The following PEX7 variants were observed in gnomAD, a reference collection of about 807,000 sequenced individuals.
PEX7 encodes the protein peroxisomal biogenesis factor 7, also known as PTS2 receptor.
In PEX7, 34 loss-of-function variants were observed where a neutral mutation model predicts 47.5. That is an observed-to-expected ratio of 0.72 (90% CI 0.54 to 0.95). PEX7 has a LOEUF of 0.95. Among genes scored for constraint, PEX7 ranks in the 40% least tolerant of loss-of-function variants. The pLI, the probability that PEX7 is intolerant of heterozygous loss-of-function variation, is 0.00. For synonymous variants in PEX7, 141 were observed against 148.8 expected, an observed-to-expected ratio of 0.95 and a Z score of 0.38; for missense variants, 394 against 400.3, an observed-to-expected ratio of 0.98 and a Z score of 0.13.
chr6:136,867,200 A>G lies in PEX7; in HGVS notation c.633+467A>G, dbSNP rs370760831. Among the ~76,000 whole-genome samples the G allele has an allele frequency of 2.4e-4, 37 of 152,312 alleles. 4 individuals carry two copies. The highest frequency in any genetic ancestry group is 9.8e-4 in the Admixed American group (15 of 15,306). On this transcript the variant is annotated intron_variant, in intron 6 of 9. Coordinates refer to ENST00000318471, the MANE Select transcript of PEX7 (RefSeq NM_000288.4). The stretch of plus-strand genomic sequence containing the variant: ...TCATGCCTCTGTAAGATAAGTGTCC[A>G]TGTGCAACTTTTTTAAAGCTTCAGT...
At chr6:136,906,134 G>C (rs1053419390) in intron 9 of PEX7, among the ~76,000 whole-genome samples, 3 of 152,156 alleles carry the variant, frequency 2.0e-5, no homozygotes, top group Admixed American at 2.0e-4. Context: ...ATCTGGTTTT[G>C]TTAGTGCTTG....
At chr6:136,827,193 T>C (rs1469874234) in intron 3 of PEX7, among the ~76,000 whole-genome samples, 1 of 152,222 alleles carries the variant, frequency 6.6e-6, no homozygotes, top group Non-Finnish European at 1.5e-5. Context: ...TAAATGCTTA[T>C]TAGATGCAAG....
intron 3 of PEX7, among the ~76,000 whole-genome samples, chr6:136,843,660 T>C (rs9399197): frequency 0.53 from 80,447 of 152,074 alleles, 21,785 homozygotes; most frequent in South Asian, 0.61. Flanking sequence ...AATCAAACTC[T>C]TTAGCTCTCA....
chr6:136,862,042 A>T (rs1215018347), intron 5 of PEX7, among the ~76,000 whole-genome samples: 2 of 131,088 alleles, frequency 1.5e-5, no homozygotes, highest in East Asian at 2.0e-4. Flanking sequence ...TTTTATATAT[A>T]TTATATATAT....
chr6:136,852,079 G>A (rs1233623121), intron 5 of PEX7, among the ~76,000 whole-genome samples: 14 of 97,268 alleles, frequency 1.4e-4, no homozygotes, highest in African/African-American at 6.6e-4. Flanking sequence ...CCTTGCCCAC[G>A]CCTGTGTCCT....
Position 136,846,069 on chromosome 6 carries a change from G to A in PEX7, c.418-4G>A, listed in dbSNP as rs199552223. 12 of 1,577,948 alleles carry A rather than the reference G, an allele frequency of 7.6e-6. No homozygotes were observed. Among genetic ancestry groups the A allele is most frequent in the Non-Finnish European group, 8.7e-6 (10 of 1,147,444 alleles). ...AAGTAATTGATCTATTCATTTATTT[G>A]TAGTGGGATCCAACTGTTGGAAAGT... On this transcript the variant is annotated splice_region_variant and splice_polypyrimidine_tract_variant and intron_variant, in intron 4 of 9. Transcript: ENST00000318471.
chr6:136,867,969 CCA>C (rs200866121), intron 6 of PEX7, among the ~76,000 whole-genome samples: 6,602 of 152,260 alleles, frequency 0.043, 516 homozygotes, highest in African/African-American at 0.15. Flanking sequence ...AGAGTAATTT[CCA>C]GTTTTGTAAG....
chr6:136,827,505 TGTGTGTGTG>T (rs1774216242), intron 3 of PEX7, among the ~76,000 whole-genome samples: 1 of 1,330 alleles, frequency 7.5e-4, no homozygotes, highest in Admixed American at 0.02. Context: ...TGTGTGAATT[TGTGTGTGTG>T]TGTGTGTGTG....
intron 5 of PEX7, among the ~76,000 whole-genome samples, chr6:136,858,725 G>A (rs1774906330): frequency 6.6e-6 from 1 of 152,130 alleles, no homozygotes. Flanking sequence ...GTTTTCAAAG[G>A]AATATACTCA....
intron 5 of PEX7, among the ~76,000 whole-genome samples, chr6:136,865,308 A>T (rs921874085): frequency 4.6e-5 from 7 of 151,858 alleles, no homozygotes; most frequent in Middle Eastern, 3.4e-3. Context: ...TTATTTATTT[A>T]TTTTTTTGAG....
rs750649624 is a variant in PEX7 at position 136,900,488 on chromosome 6, C to T, written c.903+2247C>T. On this transcript the variant is annotated intron_variant, in intron 9 of 9. Coordinates refer to ENST00000318471, the MANE Select transcript of PEX7 (RefSeq NM_000288.4). This position sits in a 1 kb window ranked among gnomAD's most constrained non-coding sequence, Gnocchi z 4.2. Reference sequence around the variant, plus strand: ...CCCCCCCAGTGACAGCAGATCTCATCGTGTCTGTCATTGTAATTGGTCCTG... The same window carrying T: ...CCCCCCCAGTGACAGCAGATCTCATTGTGTCTGTCATTGTAATTGGTCCTG... 2.9e-5 allele frequency: 14 copies of T among 478,838 alleles called. No homozygotes were observed. The highest frequency in any genetic ancestry group is 4.6e-5 in the South Asian group (3 of 65,344). 29.7% of individuals were successfully genotyped at this position (478,838 alleles called of 1,614,324 possible). A position where few individuals can be genotyped will look rare whatever the true frequency, so the allele number is the denominator to read the frequency against.
chr6:136,900,458 C>T lies in PEX7; in HGVS notation c.903+2217C>T. 1 of 454,736 alleles carries T rather than the reference C, an allele frequency of 2.2e-6. No individual in the cohort carries two copies. Among genetic ancestry groups the T allele is most frequent in the Non-Finnish European group, 4.4e-6 (1 of 228,870 alleles). 28.2% of individuals were successfully genotyped at this position (454,736 alleles called of 1,614,324 possible). A position where few individuals can be genotyped will look rare whatever the true frequency, so the allele number is the denominator to read the frequency against. On this transcript the variant is annotated intron_variant, in intron 9 of 9. Coordinates refer to ENST00000318471, the MANE Select transcript of PEX7 (RefSeq NM_000288.4). The surrounding 1 kb of genome is among the most constrained non-coding windows in gnomAD (Gnocchi z 4.2). The stretch of plus-strand genomic sequence containing the variant: ...TGAGCCACAGACTTGGGACCAAGGA[C>T]ATTGCCCCCCCAGTGACAGCAGATC...
intron 8 of PEX7, among the ~76,000 whole-genome samples, chr6:136,881,833 G>A (rs912388537): frequency 1.3e-5 from 2 of 152,126 alleles, no homozygotes; most frequent in African/African-American, 4.8e-5. Context: ...GACAGGGAGC[G>A]GGGGATAGAT....
chr6:136,823,862 C>G (rs1404398149), intron 1 of PEX7, among the ~76,000 whole-genome samples: 2 of 152,180 alleles, frequency 1.3e-5, no homozygotes, highest in African/African-American at 4.8e-5. Flanking sequence ...TGCACTCCAG[C>G]CTGGGCAAGA....
intron 8 of PEX7, among the ~76,000 whole-genome samples, chr6:136,875,110 G>T (rs1027128180): frequency 1.3e-5 from 2 of 151,910 alleles, no homozygotes; most frequent in Non-Finnish European, 2.9e-5. Flanking sequence ...TTGCACTCCA[G>T]CCTGGGCAAC....
chr6:136,833,220 A>T (rs1476302722), intron 3 of PEX7, among the ~76,000 whole-genome samples: 4 of 152,212 alleles, frequency 2.6e-5, no homozygotes, highest in Admixed American at 2.0e-4. Flanking sequence ...CTTCTTCAGA[A>T]GGTGACAGGA....
At chr6:136,837,409 T>C (rs578087542) in intron 3 of PEX7, among the ~76,000 whole-genome samples, 7 of 148,238 alleles carry the variant, frequency 4.7e-5, no homozygotes, top group Non-Finnish European at 7.4e-5. Context: ...AGAAAAGCGT[T>C]ATGAGAATAA....
In PEX7 at chr6:136,822,669, A is replaced by T; in HGVS notation, c.4A>T (p.Ser2Cys). MSAVCGGAARML... is the reference protein window; with the variant it reads MCAVCGGAARML... ...AGGGCCGGGGGCGGCGGGCGGGATGAGTGCGGTGTGCGGTGGAGCGGCGCG... is the reference window on the plus strand; with the variant it reads ...AGGGCCGGGGGCGGCGGGCGGGATGTGTGCGGTGTGCGGTGGAGCGGCGCG... The change falls in exon 1 of 10, where the codon AGT (serine) becomes TGT (cysteine). Residue 2 changes from serine to cysteine, a missense_variant. Physicochemically the swap from Ser to Cys is moderately radical, Grantham distance 112 (BLOSUM62 -1). Coordinates refer to ENST00000318471, the MANE Select transcript of PEX7 (RefSeq NM_000288.4). The T allele has an allele frequency of 3.3e-6, 5 of 1,524,920 alleles. No homozygotes were observed. Among genetic ancestry groups the T allele is most frequent in the Non-Finnish European group, 4.4e-6 (5 of 1,141,698 alleles). 94.5% of individuals were successfully genotyped at this position (1,524,920 alleles called of 1,614,324 possible). A position where few individuals can be genotyped will look rare whatever the true frequency, so the allele number is the denominator to read the frequency against.
intron 9 of PEX7, chr6:136,901,029 G>A: frequency 4.8e-6 from 1 of 206,306 alleles, no homozygotes; most frequent in Non-Finnish European, 1.0e-5. Flanking sequence ...TCCCTTTTGG[G>A]CTGGATGTCC....
Sources: gnomAD v4.1 joint callset for allele counts (sites outside exome capture counted in the v4.1 genomes callset) on GRCh38, gnomAD v4.1.1 for gene constraint, Gnocchi (gnomAD v3.1) non-coding constraint, MANE v1.5 for transcripts, NCBI Gene and HGNC (gene_info 2026-07-23, HGNC 2026-07-21) for gene names.